NDRG2: variants seen among roughly 807,000 people sequenced by gnomAD.
NDRG2 encodes protein NDRG2.
A neutral mutation model predicts 58.2 loss-of-function variants in NDRG2; 34 were observed. The ratio of observed to expected loss-of-function variants is 0.58; its 90% CI spans 0.44 to 0.78. The LOEUF (loss-of-function observed/expected upper bound fraction) is 0.78, where lower values mean the gene tolerates loss of function less well. Ranked by LOEUF, NDRG2 falls within the 30% of genes least tolerant of loss-of-function variation. NDRG2 has a pLI of 0.00. For missense variants in NDRG2, 434 were observed against 471.2 expected (o/e 0.92, Z 0.73); for synonymous variants, 187 against 175.9 (o/e 1.06, Z -0.50).
intron 1 of NDRG2, chr14:21,034,060 C>T: frequency 1.2e-6 from 2 of 1,614,096 alleles, no homozygotes; most frequent in South Asian, 1.1e-5. Context: ...TTCCAAGGGG[C>T]ATGTATCACA....
intron 1 of NDRG2, among the ~76,000 whole-genome samples, chr14:21,045,323 G>T (rs139942458): frequency 2.0e-5 from 3 of 152,270 alleles, no homozygotes; most frequent in Non-Finnish European, 4.4e-5. Flanking sequence ...CAGAATGAGG[G>T]CCAATAAGTG....
At chr14:21,068,896 G>A (rs1289411534) in intron 1 of NDRG2, among the ~76,000 whole-genome samples, 2 of 152,254 alleles carry the variant, frequency 1.3e-5, no homozygotes, top group African/African-American at 2.4e-5. Context: ...GCGTCCAGAG[G>A]AGGTGAGAGA....
At position 21,070,252 on chromosome 14, in the gene NDRG2, TG is replaced by T; in HGVS notation, c.24+575del. The T allele has an allele frequency of 1.1e-6, 1 of 895,214 alleles. No homozygotes were observed. The highest frequency in any genetic ancestry group is 1.4e-6 in the Non-Finnish European group (1 of 698,496). The allele number at this position is 895,214 out of a possible 1,614,324, so 55.5% of individuals were successfully genotyped here. A position where few individuals can be genotyped will look rare whatever the true frequency, so the allele number is the denominator to read the frequency against. On this transcript the variant is annotated intron_variant, in intron 1 of 14. Transcript: ENST00000403829. The surrounding 1 kb of genome is among the most constrained non-coding windows in gnomAD (Gnocchi z 4.7). ...CCCTCCCTGGCGGGGCCCCGCGGCC[TG>T]GAAGCCGGAGCGGGCCGAGCCGCCA... is the stretch of plus-strand genomic sequence containing the variant.
rs71416997 is a variant in NDRG2, at chr14:21,062,708, AGTGT to A, written c.24+8116_24+8119del. Among the ~76,000 whole-genome samples, 402 of 131,038 alleles carry A rather than the reference AGTGT, an allele frequency of 3.1e-3. 2 individuals are homozygous for A. The highest frequency in any genetic ancestry group is 8.5e-3 in the Admixed American group (111 of 13,092). The allele number at this position is 131,038 out of a possible 152,430, so 86.0% of individuals were successfully genotyped here. On this transcript the variant is annotated intron_variant, in intron 1 of 14. Coordinates refer to the NDRG2 transcript ENST00000403829. ...AATGTAAACAAAACAGGCTGGGCAC[AGTGT>A]GTGTGTGTGTGTGTGTGTGTGTGTG...
chr14:21,067,761 T>TACACACACACACACACAC (rs3061993), intron 1 of NDRG2, among the ~76,000 whole-genome samples: 2 of 150,022 alleles, frequency 1.3e-5, no homozygotes, highest in African/African-American at 4.9e-5. Context: ...TGTACACACG[T>TACACACACACACACACAC]ACACACACAC....
Position 21,070,731 on chromosome 14 carries a change from C to T in NDRG2, c.24+97G>A. On this transcript the variant is annotated intron_variant, in intron 1 of 14. Coordinates refer to the NDRG2 transcript ENST00000403829. The surrounding 1 kb of genome is among the most constrained non-coding windows in gnomAD (Gnocchi z 4.7). ...CTTCCTTTCCTGGAGCTTCCCTCCC[C>T]CTCCTGGTCCGAGCTCCTTACCCGC... 2 of 1,352,956 alleles carry T rather than the reference C, an allele frequency of 1.5e-6. No individual in the cohort carries two copies. Among genetic ancestry groups the T allele is most frequent in the South Asian group, 1.3e-5 (1 of 79,380 alleles). The allele number at this position is 1,352,956 out of a possible 1,614,324, so 83.8% of individuals were successfully genotyped here.
chr14:21,037,712 T>A (rs1884711430), intron 1 of NDRG2, among the ~76,000 whole-genome samples: 1 of 152,258 alleles, frequency 6.6e-6, no homozygotes, highest in Non-Finnish European at 1.5e-5. Flanking sequence ...ATTAAAAAAA[T>A]GATAAACATC....
intron 1 of NDRG2, among the ~76,000 whole-genome samples, chr14:21,044,819 GC>G (rs1885074656): frequency 6.6e-6 from 1 of 152,112 alleles, no homozygotes; most frequent in Non-Finnish European, 1.5e-5. Flanking sequence ...TCCCAACCCT[GC>G]TGAGGATTCC....
intron 1 of NDRG2, among the ~76,000 whole-genome samples, chr14:21,057,132 C>T (rs538883706): frequency 2.9e-4 from 44 of 152,284 alleles, no homozygotes; most frequent in Admixed American, 1.5e-3. Context: ...ACATGTTTTT[C>T]TTCAAGATTT....
At chr14:21,039,218 T>C (rs1182375440) in intron 1 of NDRG2, among the ~76,000 whole-genome samples, 1 of 152,140 alleles carries the variant, frequency 6.6e-6, no homozygotes, top group East Asian at 1.9e-4. Flanking sequence ...GCTGTTGTCC[T>C]GTGGGGAAGA....
chr14:21,060,744 C>T (rs139870062), intron 1 of NDRG2, among the ~76,000 whole-genome samples: 88 of 147,222 alleles, frequency 6.0e-4, no homozygotes, highest in African/African-American at 2.0e-3. Flanking sequence ...CTGCCCCTCC[C>T]TTCTCCTGCA....
Position 21,070,424 on chromosome 14 carries a change from G to A in NDRG2, c.24+404C>T. 7.1e-7 allele frequency: 1 copy of A among 1,404,780 alleles called. No homozygotes were observed. The highest frequency in any genetic ancestry group is 9.2e-7 in the Non-Finnish European group (1 of 1,088,414). 87.0% of individuals were successfully genotyped at this position (1,404,780 alleles called of 1,614,324 possible). Reference sequence around the variant, plus strand: ...GGTGAGTCCAGCGTCGCAGCCCCCTGGGTCCCCTCGGCCTTCGCGCAGCCC... The same window carrying A: ...GGTGAGTCCAGCGTCGCAGCCCCCTAGGTCCCCTCGGCCTTCGCGCAGCCC... On this transcript the variant is annotated intron_variant, in intron 1 of 14. Transcript: ENST00000403829. The surrounding 1 kb of genome is among the most constrained non-coding windows in gnomAD (Gnocchi z 4.7).
At position 21,070,529 on chromosome 14, in the gene NDRG2, T is replaced by C; in HGVS notation, c.24+299A>G. 1 of 1,119,546 alleles carries C rather than the reference T, an allele frequency of 8.9e-7. No individual in the cohort carries two copies. Among genetic ancestry groups the C allele is most frequent in the South Asian group, 2.0e-5 (1 of 50,836 alleles). The allele number at this position is 1,119,546 out of a possible 1,614,324, so 69.4% of individuals were successfully genotyped here. ...TCGGCCCCTCTGGGACTCTCCTCCC[T>C]CCCATCCCCCCTTCTTCGATTTGTC... On this transcript the variant is annotated intron_variant, in intron 1 of 14. Transcript: ENST00000403829. The surrounding 1 kb of genome is among the most constrained non-coding windows in gnomAD (Gnocchi z 4.7).
chr14:21,054,082 C>A (rs537686209), intron 1 of NDRG2, among the ~76,000 whole-genome samples: 3 of 152,090 alleles, frequency 2.0e-5, no homozygotes, highest in East Asian at 3.9e-4. Flanking sequence ...AAAACAAGAT[C>A]AGTAAAAATT....
chr14:21,062,369 G>A (rs368916086), intron 1 of NDRG2, among the ~76,000 whole-genome samples: 3 of 152,190 alleles, frequency 2.0e-5, no homozygotes, highest in Admixed American at 1.3e-4. Context: ...GCATGCGACT[G>A]GCAGTGGAGC....
At chr14:21,020,001 A>C (rs1284205286) in intron 8 of NDRG2, 25 bp from the exon 9 acceptor site, 1 of 1,610,108 alleles carries the variant, frequency 6.2e-7, no homozygotes, top group Non-Finnish European at 8.5e-7. Flanking sequence ...CAGGTGAGAA[A>C]GTTCAGGGTA....
intron 5 of NDRG2, 54 bp from the exon 6 acceptor site, chr14:21,021,933 C>T (rs2138933469): frequency 1.9e-6 from 3 of 1,611,668 alleles, no homozygotes; most frequent in East Asian, 4.5e-5. Context: ...ACACCCCCCA[C>T]CTCAGGATGT....
intron 1 of NDRG2, among the ~76,000 whole-genome samples, chr14:21,066,231 A>G (rs1202894113): frequency 6.6e-6 from 1 of 152,168 alleles, no homozygotes; most frequent in Non-Finnish European, 1.5e-5. Context: ...AAAAGGAGAG[A>G]TAGGCAGAAA....
At chr14:21,069,762 T>G (rs919143808) in intron 1 of NDRG2, among the ~76,000 whole-genome samples, 16 of 152,014 alleles carry the variant, frequency 1.1e-4, no homozygotes, top group African/African-American at 3.9e-4. Context: ...GGCCCTCCGC[T>G]CTCTGCTAGG....
Sources: allele counts gnomAD v4.1 joint callset (sites outside exome capture counted in the v4.1 genomes callset), GRCh38; gene constraint gnomAD v4.1.1; non-coding constraint Gnocchi (gnomAD v3.1); transcripts MANE v1.5; gene names NCBI Gene and HGNC (gene_info 2026-07-23, HGNC 2026-07-21).